The following FMN2 variants were observed in gnomAD, a reference collection of about 807,000 sequenced individuals.
FMN2 encodes the protein formin 2, also known as formin-2.
A neutral mutation model predicts 142.3 loss-of-function variants in FMN2; 51 were observed. The ratio of observed to expected loss-of-function variants is 0.36; its 90% CI spans 0.29 to 0.45. The LOEUF is 0.45. Ranked by LOEUF, FMN2 falls within the 20% of genes least tolerant of loss-of-function variation. The probability of loss-of-function intolerance (pLI) is 1.00; values close to 1 mark genes in which losing one functional copy is unlikely to be tolerated. For synonymous variants in FMN2, 882 were observed against 869.8 expected (o/e 1.01, Z -0.25); for missense variants, 1,936 against 2,122.8 (o/e 0.91, Z 1.73).
intron 15 of FMN2, among the ~76,000 whole-genome samples, chr1:240,410,369 C>G (rs920536224): frequency 1.3e-5 from 2 of 152,110 alleles, no homozygotes; most frequent in Non-Finnish European, 2.9e-5. Context: ...AATTGAAAAT[C>G]AGTGACAGCT....
rs879370931 is a variant in FMN2 at position 240,323,151 on chromosome 1, CT to C, written c.4216-5924del. Among the ~76,000 whole-genome samples, 299 of 147,200 alleles carry C rather than the reference CT, an allele frequency of 2.0e-3. 3 individuals are homozygous for C. Among genetic ancestry groups the C allele is most frequent in the Admixed American group, 5.6e-3 (82 of 14,614 alleles). ...TCCTTCCTTCCTTTTCCTTTCCTTT[CT>C]CTTTCTCTTTCTCTCTTTCTCTCTC... On this transcript the variant is annotated intron_variant, in intron 8 of 17. Transcript: ENST00000319653.
At chr1:240,188,544 G>C (rs1665575525) in intron 4 of FMN2, among the ~76,000 whole-genome samples, 1 of 152,172 alleles carries the variant, frequency 6.6e-6, no homozygotes, top group African/African-American at 2.4e-5. Flanking sequence ...GGCTCCAGCA[G>C]GAAACGGTGG....
At chr1:240,404,599 C>G (rs1056633522) in intron 15 of FMN2, among the ~76,000 whole-genome samples, 7 of 152,218 alleles carry the variant, frequency 4.6e-5, no homozygotes, top group Non-Finnish European at 1.0e-4. Flanking sequence ...GGAGGCCCAG[C>G]AGAGCAAGGC....
chr1:240,143,057 G>T, intron 2 of FMN2: 2 of 1,498,856 alleles, frequency 1.3e-6, no homozygotes, highest in Non-Finnish European at 1.9e-6. Flanking sequence ...TGTGGTAGGG[G>T]CAGAGGGTAA....
rs1672246760 is a variant in FMN2, at chr1:240,355,835, G to A, written c.4785G>A (p.Gly1595=). 2 of 1,611,642 alleles carry A rather than the reference G, an allele frequency of 1.2e-6. No individual in the cohort carries two copies. The highest frequency in any genetic ancestry group is 1.7e-5 in the Admixed American group (1 of 59,886). Residue 1595 remains glycine (G), a synonymous_variant, in exon 14 of 18, where the codon GGG becomes GGA. Coordinates refer to ENST00000319653, the MANE Select transcript of FMN2 (RefSeq NM_020066.5). ...TTTCAGCCTGTGAAGTTGAAGCAGG[G>A]AAAGTATACCAGGTCTCCTCAAAAG... ...KDLKACEVEA[G]KVYQVSSKEH...
chr1:240,222,573 T>C (rs1667160616), intron 6 of FMN2, among the ~76,000 whole-genome samples: 1 of 152,152 alleles, frequency 6.6e-6, no homozygotes. Flanking sequence ...ACCTATAAAT[T>C]ACTTTGTGCA....
At chr1:240,382,280 A>T (rs901061378) in intron 14 of FMN2, among the ~76,000 whole-genome samples, 1 of 152,212 alleles carries the variant, frequency 6.6e-6, no homozygotes, top group African/African-American at 2.4e-5. Flanking sequence ...GAAGTAAAAG[A>T]TCTCTGCAAG....
At chr1:240,144,862 C>T (rs1166571282) in intron 2 of FMN2, 33 of 1,431,088 alleles carry the variant, frequency 2.3e-5, no homozygotes, top group Non-Finnish European at 2.9e-5. Context: ...CATCCAGCTC[C>T]TGCCACTCCT....
At chr1:240,244,515 A>G (rs1051204933) in intron 6 of FMN2, among the ~76,000 whole-genome samples, 2 of 152,248 alleles carry the variant, frequency 1.3e-5, no homozygotes, top group African/African-American at 4.8e-5. Context: ...AATTATTTAA[A>G]TGTGGTTTTG....
rs1670850635 is a variant in FMN2, at chr1:240,318,060, T to A, written c.4216-11016T>A. ...CTCTCTGGCGATATGTCTGTTTATG[T>A]CTTTTTCCCGCTTTCTAGTTAGATT... On this transcript the variant is annotated intron_variant, in intron 8 of 17. Transcript: ENST00000319653. Among the ~76,000 whole-genome samples the A allele has an allele frequency of 1.3e-5, 2 of 152,234 alleles. 1 individual carries two copies. The highest frequency in any genetic ancestry group is 4.1e-4 in the South Asian group (2 of 4,836).
At chr1:240,438,735 G>T (rs10926256) in intron 16 of FMN2, among the ~76,000 whole-genome samples, 88,703 of 151,950 alleles carry the variant, frequency 0.58, 26,138 homozygotes, top group Non-Finnish European at 0.63. Context: ...TTTTCAGGAA[G>T]GGAAATGTCC....
chr1:240,455,039 TA>T (rs34856404), intron 16 of FMN2, among the ~76,000 whole-genome samples: 58,822 of 147,988 alleles, frequency 0.4, 11,697 homozygotes, highest in East Asian at 0.5. Context: ...TATTATTAGT[TA>T]AAAAAAAAAA....
chr1:240,468,206 ATGTGTGTGTG>A (rs199866888), intron 16 of FMN2, among the ~76,000 whole-genome samples: 17 of 147,876 alleles, frequency 1.1e-4, no homozygotes, highest in Admixed American at 1.0e-3. Flanking sequence ...ATATATATAT[ATGTGTGTGTG>A]TGTGTGTGTG....
intron 13 of FMN2, among the ~76,000 whole-genome samples, chr1:240,344,375 C>T (rs1671836170): frequency 6.6e-6 from 1 of 152,130 alleles, no homozygotes; most frequent in Non-Finnish European, 1.5e-5. Context: ...TGATGTTTTG[C>T]TGTTTGAGAT....
At chr1:240,224,380 T>G (rs6664286) in intron 6 of FMN2, among the ~76,000 whole-genome samples, 51,085 of 151,906 alleles carry the variant, frequency 0.34, 9,135 homozygotes, top group Non-Finnish European at 0.39. Context: ...CTTTTGCATT[T>G]GCTGAGGAGT....
rs144598324 is a variant in FMN2, at chr1:240,230,318, C to A, written c.4065+19083C>A. Among the ~76,000 whole-genome samples the A allele has an allele frequency of 3.7e-3, 355 of 96,912 alleles. 61 individuals carry two copies. Among genetic ancestry groups the A allele is most frequent in the Admixed American group, 0.025 (289 of 11,654 alleles). 63.6% of individuals were successfully genotyped at this position (96,912 alleles called of 152,430 possible). A position where few individuals can be genotyped will look rare whatever the true frequency, so the allele number is the denominator to read the frequency against. On this transcript the variant is annotated intron_variant, in intron 6 of 17. Coordinates refer to ENST00000319653, the MANE Select transcript of FMN2 (RefSeq NM_020066.5). ...CTCCAGCCTGGGCAAGAGAGTCAGA[C>A]CCTGTCTGAAAAACAACAACAACAA...
At chr1:240,148,187 G>A (rs1283251046) in intron 2 of FMN2, among the ~76,000 whole-genome samples, 1 of 150,980 alleles carries the variant, frequency 6.6e-6, no homozygotes, top group Non-Finnish European at 1.5e-5. Flanking sequence ...GAGAGACAGA[G>A]ACAGGGACAG....
At chr1:240,240,437 T>C (rs919721299) in intron 6 of FMN2, among the ~76,000 whole-genome samples, 16 of 152,210 alleles carry the variant, frequency 1.1e-4, no homozygotes, top group Non-Finnish European at 1.8e-4. Context: ...ATGCACATGG[T>C]CTCAATAAGA....
chr1:240,145,011 CAAA>C lies in FMN2; in HGVS notation c.1782+21668_1782+21670del, dbSNP rs981150708. On this transcript the variant is annotated intron_variant, in intron 2 of 17. Transcript: ENST00000319653. Reference sequence around the variant, plus strand: ...GCCAAAACAGAGATGATGTCAGCAGCAAAATGCTCATTCTCCCCAGGGGCCATG... The same window carrying C: ...GCCAAAACAGAGATGATGTCAGCAGCATGCTCATTCTCCCCAGGGGCCATG... 3.0e-6 allele frequency: 4 copies of C among 1,333,254 alleles called. No homozygotes were observed. In the African/African-American group the frequency reaches 4.2e-5, roughly 14 times the overall value. The allele number at this position is 1,333,254 out of a possible 1,614,324, so 82.6% of individuals were successfully genotyped here. A position where few individuals can be genotyped will look rare whatever the true frequency, so the allele number is the denominator to read the frequency against.
Sources: gnomAD v4.1 joint callset for allele counts (sites outside exome capture counted in the v4.1 genomes callset) on GRCh38, gnomAD v4.1.1 for gene constraint, MANE v1.5 for transcripts, NCBI Gene and HGNC (gene_info 2026-07-23, HGNC 2026-07-21) for gene names.